The following SCN2A variants were observed in gnomAD, a reference collection of about 807,000 sequenced individuals.
SCN2A encodes sodium voltage-gated channel alpha subunit 2, also known as sodium channel protein type 2 subunit alpha.
SCN2A carries 20 observed loss-of-function variants against 188.7 expected under a neutral mutation model. The observed-to-expected ratio is 0.11, with a 90% CI of 0.07 to 0.15. SCN2A has a LOEUF of 0.15. Among genes scored for constraint, SCN2A ranks in the 10% least tolerant of loss-of-function variants. The pLI, the probability that SCN2A is intolerant of heterozygous loss-of-function variation, is 1.00. For synonymous variants in SCN2A, 804 were observed against 833.1 expected (o/e 0.97, Z 0.60); for missense variants, 1,278 against 2,445.0 (o/e 0.52, Z 10.07).
At chr2:165,294,010 T>TAAAAA (rs67417831) in intron 1 of SCN2A, 262 of 150,914 alleles carry the variant, frequency 1.7e-3, no homozygotes, top group Middle Eastern at 3.5e-3. Flanking sequence ...GAAGGAGAAT[T>TAAAAA]AAAAAAAAAA....
chr2:165,359,589 AT>A (rs1265707713), intron 17 of SCN2A, among the ~76,000 whole-genome samples: 2 of 152,084 alleles, frequency 1.3e-5, no homozygotes, highest in Non-Finnish European at 2.9e-5. Context: ...TCCTAAAAAA[AT>A]ATACTAATTT....
rs142128956 is a variant in SCN2A, at chr2:165,342,296, G to A, written c.2389G>A (p.Val797Ile). 46 of 1,613,082 alleles carry A rather than the reference G, an allele frequency of 2.9e-5. No individual in the cohort carries two copies. The African/African-American group carries it at 5.5e-4, about 19-fold the overall frequency. ...ATAATGAACTACACTTCTCATTTAG[G>A]TCTTCACAGGGATCTTCACAGCAGA... Reference protein sequence around the residue: ...FSSVLSVGNLVFTGIFTAEMF... With the variant: ...FSSVLSVGNLIFTGIFTAEMF... Residue 797 changes from valine (V) to isoleucine (I), a missense_variant and splice_region_variant, in exon 15 of 27, where the codon GTC (valine) becomes ATC (isoleucine). This residue lies in a region of SCN2A where 83 missense variants were observed against 256.8 expected (regional missense o/e 0.32). Coordinates refer to ENST00000375437, the MANE Select transcript of SCN2A (RefSeq NM_001040142.2).
chr2:165,329,304 T>C (rs1290029351), intron 13 of SCN2A, among the ~76,000 whole-genome samples: 3 of 152,090 alleles, frequency 2.0e-5, no homozygotes, highest in Non-Finnish European at 4.4e-5. Flanking sequence ...GGTCACACCT[T>C]TGTGAAGGAT....
At chr2:165,360,518 A>G (rs1429162825) in intron 17 of SCN2A, among the ~76,000 whole-genome samples, 1 of 151,944 alleles carries the variant, frequency 6.6e-6, no homozygotes, top group African/African-American at 2.4e-5. Context: ...TTCAATAGGA[A>G]GAGTCCTATA....
intron 11 of SCN2A, 144 bp from the exon 12 acceptor site, chr2:165,323,012 A>C (rs1375169307): frequency 2.6e-6 from 2 of 759,080 alleles, no homozygotes; most frequent in Admixed American, 2.5e-5. Context: ...AGCAGTCATC[A>C]GAGGGGTGCT....
At chr2:165,351,775 T>A (rs1055002631) in intron 16 of SCN2A, among the ~76,000 whole-genome samples, 1 of 152,130 alleles carries the variant, frequency 6.6e-6, no homozygotes, top group African/African-American at 2.4e-5. Flanking sequence ...TTACTTTTAT[T>A]GTTATTATGA....
In SCN2A at chr2:165,323,731, T is replaced by C. The variant is rs369966318; in HGVS notation, c.2016+231T>C. Among the ~76,000 whole-genome samples, 483 of 152,312 alleles carry C rather than the reference T, an allele frequency of 3.2e-3. 4 individuals carry two copies. Among genetic ancestry groups the C allele is most frequent in the Middle Eastern group, 0.014 (4 of 294 alleles). On this transcript the variant is annotated intron_variant, in intron 12 of 26. Coordinates refer to ENST00000375437, the MANE Select transcript of SCN2A (RefSeq NM_001040142.2). ...GAATATAATTAGAAGTAATCTTTCATCATTATTACTATGGTATGAAACTCG... is the reference window on the plus strand; with the variant it reads ...GAATATAATTAGAAGTAATCTTTCACCATTATTACTATGGTATGAAACTCG...
chr2:165,308,346 A>G (rs1376240350), intron 4 of SCN2A, among the ~76,000 whole-genome samples: 1 of 152,060 alleles, frequency 6.6e-6, no homozygotes, highest in Non-Finnish European at 1.5e-5. Flanking sequence ...TGCTTCACTC[A>G]TTTTTGTATT....
rs987885018 is a variant in SCN2A, at chr2:165,286,625, G to A, written c.-51-9148G>A. On this transcript the variant is annotated intron_variant, in intron 1 of 26. Transcript: ENST00000375437. Reference sequence around the variant, plus strand: ...TGCAACCTCACAGGCCTAGACTTTGGCCCCAAAGGAAAGTTCTAAATGTTG... The same window carrying A: ...TGCAACCTCACAGGCCTAGACTTTGACCCCAAAGGAAAGTTCTAAATGTTG... 1.4e-4 allele frequency among the ~76,000 whole-genome samples: 21 copies of A among 152,228 alleles called. No individual in the cohort carries two copies. In the East Asian group the frequency reaches 3.9e-3, roughly 28 times the overall value.
At chr2:165,312,116 G>T in intron 8 of SCN2A, 28 bp downstream of exon 8, 1 of 1,562,794 alleles carries the variant, frequency 6.4e-7, no homozygotes. Context: ...CTGAGTTTCA[G>T]TCCACACTGC....
intron 13 of SCN2A, among the ~76,000 whole-genome samples, chr2:165,330,440 T>A (rs1698615005): frequency 6.6e-6 from 1 of 152,196 alleles, no homozygotes; most frequent in South Asian, 2.1e-4. Flanking sequence ...GTATTTTGGG[T>A]GTGACCTTAA....
At position 165,293,814 on chromosome 2, in the gene SCN2A, C is replaced by T. The variant is rs1022876772; in HGVS notation, c.-51-1959C>T. 9.1e-6 allele frequency: 9 copies of T among 984,050 alleles called. No individual in the cohort carries two copies. In the African/African-American group the frequency reaches 1.6e-4, roughly 17 times the overall value. The allele number at this position is 984,050 out of a possible 1,614,324, so 61.0% of individuals were successfully genotyped here. On this transcript the variant is annotated intron_variant, in intron 1 of 26. Transcript: ENST00000375437. ...AGAAAAGCCTGTGGAAGATCAGTTCCACAACTGAGAGCTTTGGGCTGCTTC... is the reference window on the plus strand; with the variant it reads ...AGAAAAGCCTGTGGAAGATCAGTTCTACAACTGAGAGCTTTGGGCTGCTTC...
intron 1 of SCN2A, among the ~76,000 whole-genome samples, chr2:165,278,229 GAC>G (rs1695428754): frequency 6.6e-6 from 1 of 152,192 alleles, no homozygotes; most frequent in South Asian, 2.1e-4. Flanking sequence ...TGTACCATAA[GAC>G]ACTGGTAGAG....
intron 1 of SCN2A, among the ~76,000 whole-genome samples, chr2:165,245,013 G>C (rs1693784027): frequency 6.6e-6 from 1 of 152,120 alleles, no homozygotes. Flanking sequence ...GATAAGAGAA[G>C]ACTGACACTA....
In SCN2A at chr2:165,323,169, T is replaced by G; in HGVS notation, c.1685T>G (p.Ile562Ser). The G allele has an allele frequency of 6.2e-7, 1 of 1,614,180 alleles. No individual in the cohort carries two copies. Among genetic ancestry groups the G allele is most frequent in the East Asian group, 2.2e-5 (1 of 44,876 alleles). The change falls in exon 12 of 27, where the codon ATC (isoleucine) becomes AGC (serine). Residue 562 changes from isoleucine (I) to serine (S), a missense_variant. By Grantham distance (142) the Ile-to-Ser change is moderately radical. This residue lies in a region of SCN2A where 315 missense variants were observed against 386.6 expected (regional missense o/e 0.81). Coordinates refer to ENST00000375437, the MANE Select transcript of SCN2A (RefSeq NM_001040142.2). ...TGTTATTCATAGTCCTTACTGAGCA[T>G]CCGTGGCTCCCTTTTCTCTCCAAGA... is the stretch of plus-strand genomic sequence containing the variant. ...FSSPHQSLLS[I>S]RGSLFSPRRN...
intron 1 of SCN2A, among the ~76,000 whole-genome samples, chr2:165,275,429 C>G (rs1695291922): frequency 6.6e-6 from 1 of 152,096 alleles, no homozygotes; most frequent in African/African-American, 2.4e-5. Flanking sequence ...CTATATTTGC[C>G]TTACTTGGGC....
chr2:165,359,535 C>T (rs1386054494), intron 17 of SCN2A, among the ~76,000 whole-genome samples: 1 of 151,934 alleles, frequency 6.6e-6, no homozygotes, highest in Non-Finnish European at 1.5e-5. Context: ...TTTTTGATTT[C>T]CTTGTAAAAG....
intron 1 of SCN2A, chr2:165,273,353 T>C (rs1226526055): frequency 6.6e-6 from 1 of 152,200 alleles, no homozygotes; most frequent in Non-Finnish European, 1.5e-5. Flanking sequence ...AGTTTAATCC[T>C]TAATGAATAT....
chr2:165,294,669 A>G (rs186134547), intron 1 of SCN2A, among the ~76,000 whole-genome samples: 8 of 152,278 alleles, frequency 5.3e-5, no homozygotes, highest in Admixed American at 3.9e-4. Context: ...ATTAAGTGTC[A>G]TTTAGGAGTC....
Sources: allele counts gnomAD v4.1 joint callset (sites outside exome capture counted in the v4.1 genomes callset), GRCh38; gene constraint gnomAD v4.1.1; regional missense constraint gnomAD v4.1.1; transcripts MANE v1.5; gene names NCBI Gene and HGNC (gene_info 2026-07-23, HGNC 2026-07-21).